NEXMIF: variants seen among roughly 807,000 people sequenced by gnomAD.
The protein encoded by NEXMIF is XLMR protein related to neurite extension.
In NEXMIF, 8 loss-of-function variants were observed where a neutral mutation model predicts 62.1. The observed-to-expected ratio is 0.13, with a 90% CI of 0.08 to 0.23. The LOEUF (loss-of-function observed/expected upper bound fraction) is 0.23. Ranked by LOEUF, NEXMIF falls within the 10% of genes least tolerant of loss-of-function variation. The pLI is 1.00. For synonymous variants in NEXMIF, 404 were observed against 416.6 expected, an observed-to-expected ratio of 0.97 and a Z score of 0.37; for missense variants, 976 against 1,113.3, an observed-to-expected ratio of 0.88 and a Z score of 1.75.
chrX:74,771,941 T>G (rs2080211550), intron 1 of NEXMIF, among the ~76,000 whole-genome samples: 1 of 111,470 alleles, frequency 9.0e-6, no homozygotes, highest in Non-Finnish European at 1.9e-5. Flanking sequence ...ATTTAAAGAA[T>G]TCCTGATAGG....
At chrX:74,905,968 G>A (rs2080767317) in intron 1 of NEXMIF, among the ~76,000 whole-genome samples, 1 of 111,208 alleles carries the variant, frequency 9.0e-6, no homozygotes, top group Admixed American at 9.6e-5. Flanking sequence ...TTCTTAAAAT[G>A]AGAGAAATAG....
intron 1 of NEXMIF, among the ~76,000 whole-genome samples, chrX:74,914,038 T>A (rs1424728810): frequency 8.9e-6 from 1 of 111,821 alleles, no homozygotes; most frequent in East Asian, 2.8e-4. Context: ...CTCAATTATG[T>A]TTGAGGGTTG....
intron 1 of NEXMIF, among the ~76,000 whole-genome samples, chrX:74,831,591 C>A (rs972105761): frequency 9.1e-6 from 1 of 110,370 alleles, no homozygotes; most frequent in Admixed American, 9.7e-5. Context: ...TCCAGTCTAT[C>A]GTTGTTGGAC....
intron 1 of NEXMIF, among the ~76,000 whole-genome samples, chrX:74,756,086 G>T (rs188915137): frequency 1.8e-5 from 2 of 109,431 alleles, no homozygotes; most frequent in Non-Finnish European, 3.8e-5. Flanking sequence ...TGTTGGTCAG[G>T]CTGGTCTCCA....
intron 1 of NEXMIF, among the ~76,000 whole-genome samples, chrX:74,887,501 C>T (rs1268217976): frequency 1.8e-5 from 2 of 112,330 alleles, no homozygotes; most frequent in African/African-American, 3.2e-5. Flanking sequence ...TTAACAGACA[C>T]TTCTCAAAAG....
At chrX:74,840,372 CAG>C (rs757930906) in intron 1 of NEXMIF, among the ~76,000 whole-genome samples, 1,124 of 111,299 alleles carry the variant, frequency 0.01, 14 homozygotes, top group African/African-American at 0.035. Flanking sequence ...GCAAAAAAAT[CAG>C]AGAGGACACA....
intron 1 of NEXMIF, among the ~76,000 whole-genome samples, chrX:74,867,165 GGATA>G (rs1162511075): frequency 8.9e-6 from 1 of 111,886 alleles, no homozygotes; most frequent in African/African-American, 3.3e-5. Flanking sequence ...CCATGCTCAT[GGATA>G]GAAAGAATCA....
At chrX:74,865,511 A>C in intron 1 of NEXMIF, among the ~76,000 whole-genome samples, 1 of 112,313 alleles carries the variant, frequency 8.9e-6, no homozygotes, top group Admixed American at 9.4e-5. Flanking sequence ...TCTGGGGAGA[A>C]ACTCAAGCCT....
intron 1 of NEXMIF, among the ~76,000 whole-genome samples, chrX:74,824,662 T>A (rs2080408513): frequency 9.2e-6 from 1 of 108,955 alleles, no homozygotes; most frequent in South Asian, 4.1e-4. Flanking sequence ...GTTTTTTTTT[T>A]TTTTGAGACA....
At chrX:74,818,309 A>T (rs1051581055) in intron 1 of NEXMIF, among the ~76,000 whole-genome samples, 1 of 111,154 alleles carries the variant, frequency 9.0e-6, no homozygotes, top group African/African-American at 3.3e-5. Context: ...AGAACCTAGA[A>T]ATAAAGCCGC....
At chrX:74,919,254 A>T (rs1169601023) in intron 1 of NEXMIF, among the ~76,000 whole-genome samples, 2 of 111,770 alleles carry the variant, frequency 1.8e-5, no homozygotes, top group Non-Finnish European at 3.8e-5. Flanking sequence ...ATGCCTTTGG[A>T]GCCAATAATC....
At chrX:74,922,830 A>G (rs895451619) in intron 1 of NEXMIF, among the ~76,000 whole-genome samples, 1 of 112,015 alleles carries the variant, frequency 8.9e-6, no homozygotes, top group Admixed American at 9.5e-5. Flanking sequence ...TGTTAACCTT[A>G]AAAACTGTCT....
At chrX:74,918,800 C>A (rs2080816415) in intron 1 of NEXMIF, among the ~76,000 whole-genome samples, 1 of 112,179 alleles carries the variant, frequency 8.9e-6, no homozygotes, top group Admixed American at 9.4e-5. Context: ...TGCATTATTT[C>A]TTTTTCCATG....
chrX:74,883,807 T>C (rs2080677254), intron 1 of NEXMIF, among the ~76,000 whole-genome samples: 1 of 111,213 alleles, frequency 9.0e-6, no homozygotes, highest in South Asian at 3.8e-4. Flanking sequence ...GCCACAAAGA[T>C]ACTCCTCAAG....
At position 74,886,251 on chromosome X, in the gene NEXMIF, C is replaced by T. The variant is rs1246844117; in HGVS notation, c.-48+38632G>A. Among the ~76,000 whole-genome samples the T allele has an allele frequency of 4.5e-5, 5 of 111,586 alleles. No homozygotes were observed. In the South Asian group the frequency reaches 1.5e-3, roughly 34 times the overall value. ...TGAAAACTGGCACAAGACAGGGATG[C>T]CCTCTCTCACCACTCCTATTCAACA... On this transcript the variant is annotated intron_variant, in intron 1 of 3. Coordinates refer to ENST00000055682, the MANE Select transcript of NEXMIF (RefSeq NM_001008537.3).
At chrX:74,905,625 C>T (rs979260773) in intron 1 of NEXMIF, among the ~76,000 whole-genome samples, 3 of 110,846 alleles carry the variant, frequency 2.7e-5, no homozygotes, top group Non-Finnish European at 3.8e-5. Flanking sequence ...GCCTGGCCAA[C>T]ATGGTAGAAC....
chrX:74,766,313 T>C (rs1730463298), intron 1 of NEXMIF, among the ~76,000 whole-genome samples: 1 of 112,217 alleles, frequency 8.9e-6, no homozygotes, highest in African/African-American at 3.2e-5. Flanking sequence ...TCACGTATGA[T>C]ATCTTGAAAT....
At chrX:74,875,242 T>C (rs1009952751) in intron 1 of NEXMIF, among the ~76,000 whole-genome samples, 1 of 109,947 alleles carries the variant, frequency 9.1e-6, no homozygotes, top group Admixed American at 9.6e-5. Context: ...TCTGCATCTA[T>C]TGAGATAATC....
intron 1 of NEXMIF, among the ~76,000 whole-genome samples, chrX:74,890,741 T>G (rs752219778): frequency 3.6e-5 from 4 of 111,355 alleles, no homozygotes; most frequent in Non-Finnish European, 5.6e-5. Context: ...AATGCCTAAA[T>G]ACTGAATGGC....
Sources: allele counts gnomAD v4.1 joint callset (sites outside exome capture counted in the v4.1 genomes callset), GRCh38; gene constraint gnomAD v4.1.1; transcripts MANE v1.5; gene names NCBI Gene and HGNC (gene_info 2026-07-23, HGNC 2026-07-21).